Variants in KCNIP4 observed in about 807,000 individuals in gnomAD.
KCNIP4 encodes the protein potassium voltage-gated channel interacting protein 4.
KCNIP4 carries 12 observed loss-of-function variants against 34.0 expected under a neutral mutation model. The ratio of observed to expected loss-of-function variants is 0.35; its 90% CI spans 0.23 to 0.57. The LOEUF is 0.57. Among genes scored for constraint, KCNIP4 ranks in the 20% least tolerant of loss-of-function variants. KCNIP4 has a pLI of 0.83. For missense variants in KCNIP4, 238 were observed against 311.7 expected, an observed-to-expected ratio of 0.76 and a Z score of 1.78; for synonymous variants, 124 against 102.2, an observed-to-expected ratio of 1.21 and a Z score of -1.29.
In KCNIP4 at chr4:21,906,069, T is replaced by C. The variant is rs546140640; in HGVS notation, c.61+42502A>G. Among the ~76,000 whole-genome samples, 7 of 152,312 alleles carry C rather than the reference T, an allele frequency of 4.6e-5. No homozygotes were observed. The East Asian group carries it at 9.7e-4, about 21-fold the overall frequency. ...TTATTGAAACACAGCTACATTCATT[T>C]GTTTCATTCATCTATGAGTGTTTCA... On this transcript the variant is annotated intron_variant, in intron 1 of 8. Transcript: ENST00000382152.
chr4:21,319,433 T>A (rs1363869520), intron 1 of KCNIP4, among the ~76,000 whole-genome samples: 1 of 152,206 alleles, frequency 6.6e-6, no homozygotes, highest in Non-Finnish European at 1.5e-5. Context: ...AGTTTATTCC[T>A]AGTACCTGCC....
intron 1 of KCNIP4, among the ~76,000 whole-genome samples, chr4:21,382,298 C>A (rs1195151176): frequency 6.6e-6 from 1 of 152,082 alleles, no homozygotes; most frequent in African/African-American, 2.4e-5. Context: ...GGCTTTTATT[C>A]TAAGGGCAAT....
chr4:21,584,767 A>G (rs895990295), intron 1 of KCNIP4, among the ~76,000 whole-genome samples: 4 of 152,088 alleles, frequency 2.6e-5, no homozygotes, highest in African/African-American at 9.7e-5. Flanking sequence ...TGCTGGAATA[A>G]AAACTTGGAA....
chr4:20,959,785 G>T (rs1292530186), intron 1 of KCNIP4, among the ~76,000 whole-genome samples: 1 of 152,192 alleles, frequency 6.6e-6, no homozygotes, highest in African/African-American at 2.4e-5. Flanking sequence ...AATGAGCTCT[G>T]CAAGGAGACC....
At chr4:21,052,267 T>C (rs1456775593) in intron 1 of KCNIP4, among the ~76,000 whole-genome samples, 5 of 152,198 alleles carry the variant, frequency 3.3e-5, no homozygotes, top group African/African-American at 9.6e-5. Context: ...TAATCTTATA[T>C]CTTCTTTTAA....
intron 1 of KCNIP4, among the ~76,000 whole-genome samples, chr4:21,355,810 G>A (rs1394183302): frequency 6.6e-6 from 1 of 152,146 alleles, no homozygotes; most frequent in African/African-American, 2.4e-5. Flanking sequence ...TAGGAGGCCA[G>A]CATCATCCTG....
intron 1 of KCNIP4, among the ~76,000 whole-genome samples, chr4:21,647,231 G>A (rs138668941): frequency 2.6e-5 from 4 of 152,110 alleles, no homozygotes; most frequent in Non-Finnish European, 4.4e-5. Context: ...AGAAAATATA[G>A]TACATGCACA....
At chr4:21,818,084 G>C (rs996817614) in intron 1 of KCNIP4, among the ~76,000 whole-genome samples, 1 of 152,076 alleles carries the variant, frequency 6.6e-6, no homozygotes, top group African/African-American at 2.4e-5. Context: ...ATAAAAACCT[G>C]CTGGTTTTGA....
intron 1 of KCNIP4, among the ~76,000 whole-genome samples, chr4:21,538,176 T>C (rs2108992579): frequency 6.6e-6 from 1 of 152,024 alleles, no homozygotes; most frequent in East Asian, 1.9e-4. Flanking sequence ...CTAGAAGAGA[T>C]AAGAAAGGAG....
intron 1 of KCNIP4, among the ~76,000 whole-genome samples, chr4:21,318,822 G>A (rs1004727150): frequency 1.3e-5 from 2 of 151,870 alleles, no homozygotes; most frequent in Non-Finnish European, 2.9e-5. Flanking sequence ...ACCCTCTTGG[G>A]TTTTTATTTT....
intron 1 of KCNIP4, among the ~76,000 whole-genome samples, chr4:21,694,623 A>T (rs1217480128): frequency 6.6e-6 from 1 of 152,024 alleles, no homozygotes; most frequent in African/African-American, 2.4e-5. Context: ...TTAGAAATCA[A>T]ATTAAATTTT....
chr4:21,007,774 G>A (rs973079114), intron 1 of KCNIP4, among the ~76,000 whole-genome samples: 1 of 152,122 alleles, frequency 6.6e-6, no homozygotes, highest in African/African-American at 2.4e-5. Flanking sequence ...AACAGTCCCA[G>A]GTGACAGTAA....
intron 1 of KCNIP4, among the ~76,000 whole-genome samples, chr4:20,992,601 C>T (rs530740290): frequency 1.3e-5 from 2 of 152,282 alleles, no homozygotes; most frequent in African/African-American, 2.4e-5. Context: ...CCCCACCCCA[C>T]ATACAATTAT....
chr4:21,650,881 C>A (rs1468257465), intron 1 of KCNIP4, among the ~76,000 whole-genome samples: 3 of 152,132 alleles, frequency 2.0e-5, no homozygotes, highest in Non-Finnish European at 2.9e-5. Context: ...AATTGTAAGA[C>A]AAGATGCCTA....
chr4:20,733,687 G>C (rs753870501), intron 6 of KCNIP4, among the ~76,000 whole-genome samples: 2 of 152,024 alleles, frequency 1.3e-5, no homozygotes, highest in Non-Finnish European at 2.9e-5. Flanking sequence ...TAAGTATCTG[G>C]GTAATAAATA....
chr4:21,090,359 C>A (rs1477557155), intron 1 of KCNIP4, among the ~76,000 whole-genome samples: 1 of 152,072 alleles, frequency 6.6e-6, no homozygotes, highest in Admixed American at 6.6e-5. Flanking sequence ...TTTGCTGAAA[C>A]AAAGACAATA....
At chr4:21,556,929 A>AAAAAAAAAAAAAAAAAAAAAAAAAAC (rs1739091307) in intron 1 of KCNIP4, among the ~76,000 whole-genome samples, 1 of 147,688 alleles carries the variant, frequency 6.8e-6, no homozygotes. Flanking sequence ...TCAGAAAAAA[A>AAAAAAAAAAAAAAAAAAAAAAAAAAC]AAAAAAAAAA....
chr4:21,248,730 G>C (rs1760471148), intron 1 of KCNIP4, among the ~76,000 whole-genome samples: 1 of 152,046 alleles, frequency 6.6e-6, no homozygotes, highest in Non-Finnish European at 1.5e-5. Flanking sequence ...CCTTAATGTG[G>C]GACCAGAGCA....
rs138147349 is a variant in KCNIP4, at chr4:21,538,405, A to T, written c.61+410166T>A. 3.3e-3 allele frequency among the ~76,000 whole-genome samples: 502 copies of T among 152,248 alleles called. 1 individual carries two copies. Among genetic ancestry groups the T allele is most frequent in the Non-Finnish European group, 5.8e-3 (392 of 68,030 alleles). On this transcript the variant is annotated intron_variant, in intron 1 of 8. Transcript: ENST00000382152. Reference sequence around the variant, plus strand: ...GCGTTGAGAATATGGAACAATGGAGAGGTATACCTGGAATCTGGGACACGT... The same window carrying T: ...GCGTTGAGAATATGGAACAATGGAGTGGTATACCTGGAATCTGGGACACGT...
Sources: allele counts gnomAD v4.1 joint callset (sites outside exome capture counted in the v4.1 genomes callset), GRCh38; gene constraint gnomAD v4.1.1; transcripts MANE v1.5; gene names NCBI Gene and HGNC (gene_info 2026-07-23, HGNC 2026-07-21).